MYO7A: variants seen among roughly 807,000 people sequenced by gnomAD.
MYO7A encodes the protein unconventional myosin-VIIa.
Under a neutral mutation model 263.8 loss-of-function variants are expected in MYO7A, and 210 were observed. The ratio of observed to expected loss-of-function variants is 0.80; its 90% CI spans 0.71 to 0.89. The LOEUF is 0.89. Ranked by LOEUF, MYO7A falls within the 40% of genes least tolerant of loss-of-function variation. The pLI is 0.00. For missense variants in MYO7A, 2,820 were observed against 2,968.3 expected (o/e 0.95, Z 1.16); for synonymous variants, 1,239 against 1,197.3 (o/e 1.03, Z -0.72).
Position 77,157,372 on chromosome 11 carries a change from GACTACAACT to G in MYO7A, c.833_841del (p.Tyr278_Tyr280del), listed in dbSNP as rs1250357519. 1 of 1,608,734 alleles carries G rather than the reference GACTACAACT, an allele frequency of 6.2e-7. No individual in the cohort carries two copies. Among genetic ancestry groups the G allele is most frequent in the Non-Finnish European group, 8.5e-7 (1 of 1,177,768 alleles). ...GAAGCTGGGCTTGGGCCAGGCCTCT[GACTACAACT>G]ACTTGGCCATGGTGAGGCCCAGGTG... On this transcript the variant is annotated inframe_deletion, in exon 8 of 49. Transcript: ENST00000409709.
chr11:77,188,704 A>G (rs909885365), intron 27 of MYO7A, among the ~76,000 whole-genome samples: 17 of 152,236 alleles, frequency 1.1e-4, no homozygotes, highest in African/African-American at 4.1e-4. Context: ...GCCTTGGCTC[A>G]TTCATCTTCA....
rs576037461 is a variant in MYO7A, at chr11:77,153,473, G to A, written c.286-2434G>A. ...GGCTGTGGGCAGAGTGGAGAAGGCC[G>A]TGGGTGCCATGGGTGGGAGAAAGCC... On this transcript the variant is annotated intron_variant, in intron 4 of 48. Coordinates refer to ENST00000409709, the MANE Select transcript of MYO7A (RefSeq NM_000260.4). 1.6e-4 allele frequency among the ~76,000 whole-genome samples: 24 copies of A among 152,264 alleles called. No homozygotes were observed. The South Asian group carries it at 3.7e-3, about 24-fold the overall frequency.
intron 2 of MYO7A, among the ~76,000 whole-genome samples, chr11:77,133,714 G>A (rs1449142981): frequency 1.3e-5 from 2 of 152,110 alleles, no homozygotes; most frequent in Admixed American, 1.3e-4. Context: ...TGGTTGGAGA[G>A]TTTAATCTAT....
intron 15 of MYO7A, among the ~76,000 whole-genome samples, chr11:77,171,169 G>A (rs1555075656): frequency 6.6e-6 from 1 of 152,256 alleles, no homozygotes; most frequent in Non-Finnish European, 1.5e-5. Flanking sequence ...GGGTGTGCGT[G>A]CGCGTGTGTG....
At chr11:77,139,175 C>T (rs1951054296) in intron 2 of MYO7A, among the ~76,000 whole-genome samples, 1 of 152,234 alleles carries the variant, frequency 6.6e-6, no homozygotes, top group African/African-American at 2.4e-5. Flanking sequence ...GAGTGCCTCA[C>T]CCAGAGAGAC....
intron 48 of MYO7A, 127 bp from the exon 49 acceptor site, chr11:77,214,480 C>T: frequency 1.4e-6 from 1 of 720,712 alleles, no homozygotes; most frequent in South Asian, 1.6e-5. Flanking sequence ...GAGATAAGCC[C>T]TGAGTAGGAG....
At position 77,198,546 on chromosome 11, in the gene MYO7A, T is replaced by A; in HGVS notation, c.4493T>A (p.Val1498Glu). The change falls in exon 34 of 49, where the codon GTG (valine) becomes GAG (glutamate). Residue 1498 changes from valine to glutamate, a missense_variant. Transcript: ENST00000409709. ...DVIVAVNWTG[V>E]YFVDEQEQVL... ...ATCGTGGCCGTCAACTGGACGGGTG[T>A]GTACTTTGTGGATGAGCAGGAGCAG... 1 of 1,613,876 alleles carries A rather than the reference T, an allele frequency of 6.2e-7. No homozygotes were observed. The highest frequency in any genetic ancestry group is 1.1e-5 in the South Asian group (1 of 91,074).
chr11:77,208,688 G>C lies in MYO7A; in HGVS notation c.5945-9G>C, dbSNP rs1233077552. 2 of 1,570,278 alleles carry C rather than the reference G, an allele frequency of 1.3e-6. No homozygotes were observed. Among genetic ancestry groups the C allele is most frequent in the Non-Finnish European group, 1.7e-6 (2 of 1,155,284 alleles). On this transcript the variant is annotated splice_polypyrimidine_tract_variant and intron_variant, in intron 43 of 48. Coordinates refer to ENST00000409709, the MANE Select transcript of MYO7A (RefSeq NM_000260.4). Reference sequence around the variant, plus strand: ...GACCCTCTGGGTGACCGACTGCCCTGTGCTGCAGGAATTGTGCCCTCACTC... The same window carrying C: ...GACCCTCTGGGTGACCGACTGCCCTCTGCTGCAGGAATTGTGCCCTCACTC...
At chr11:77,164,136 A>G (rs1277006320) in intron 14 of MYO7A, among the ~76,000 whole-genome samples, 2 of 152,158 alleles carry the variant, frequency 1.3e-5, no homozygotes, top group Admixed American at 1.3e-4. Flanking sequence ...GGGACAGGCA[A>G]TTGGGTTCAC....
chr11:77,212,325 G>A (rs945749849), intron 46 of MYO7A: 7 of 384,886 alleles, frequency 1.8e-5, no homozygotes, highest in Non-Finnish European at 3.6e-5. Context: ...CTCCTGGCAG[G>A]GGTCCCACAT....
At chr11:77,133,968 A>T (rs6592707) in intron 2 of MYO7A, among the ~76,000 whole-genome samples, 1 of 152,066 alleles carries the variant, frequency 6.6e-6, no homozygotes, top group Non-Finnish European at 1.5e-5. Flanking sequence ...TCACTCTTGT[A>T]GCCCATGCTG....
rs114512548 is a variant in MYO7A at position 77,168,469 on chromosome 11, T to A, written c.1797+2307T>A. 7.2e-3 allele frequency among the ~76,000 whole-genome samples: 1,103 copies of A among 152,244 alleles called. 14 individuals carry two copies. The highest frequency in any genetic ancestry group is 0.025 in the African/African-American group (1,045 of 41,522). Reference sequence around the variant, plus strand: ...TCACTCCCCACTGCAACCTGGCGAGTAATTACTATTACTCCCACTTTACAG... The same window carrying A: ...TCACTCCCCACTGCAACCTGGCGAGAAATTACTATTACTCCCACTTTACAG... On this transcript the variant is annotated intron_variant, in intron 15 of 48. Coordinates refer to ENST00000409709, the MANE Select transcript of MYO7A (RefSeq NM_000260.4).
intron 2 of MYO7A, among the ~76,000 whole-genome samples, chr11:77,140,503 G>A (rs919701039): frequency 6.6e-6 from 1 of 152,234 alleles, no homozygotes; most frequent in Non-Finnish European, 1.5e-5. Context: ...CTGGCCACAT[G>A]CTGTTGCCCA....
intron 40 of MYO7A, 44 bp from the exon 41 acceptor site, chr11:77,206,053 C>A (rs771009716): frequency 6.8e-7 from 1 of 1,477,638 alleles, no homozygotes; most frequent in Non-Finnish European, 9.3e-7. Context: ...CTGGTCTCCA[C>A]AGTCCCACGC....
chr11:77,194,608 T>C, intron 32 of MYO7A, 84 bp downstream of exon 32: 3 of 1,419,594 alleles, frequency 2.1e-6, no homozygotes, highest in Non-Finnish European at 2.8e-6. Context: ...AACCTCTCTG[T>C]TGGGGCTGCG....
At chr11:77,159,630 G>A (rs1238258339) in intron 10 of MYO7A, 107 bp downstream of exon 10, 2 of 1,135,806 alleles carry the variant, frequency 1.8e-6, no homozygotes, top group Non-Finnish European at 2.6e-6. Context: ...GGACCCTCTG[G>A]TTTGGAGAGT....
In MYO7A at chr11:77,157,423, G is replaced by A. The variant is rs147907436; in HGVS notation, c.849+31G>A. 17 of 1,479,244 alleles carry A rather than the reference G, an allele frequency of 1.1e-5. No individual in the cohort carries two copies. The African/African-American group carries it at 1.5e-4, about 13-fold the overall frequency. 91.6% of individuals were successfully genotyped at this position (1,479,244 alleles called of 1,614,324 possible). A position where few individuals can be genotyped will look rare whatever the true frequency, so the allele number is the denominator to read the frequency against. ...GCCCAGGTGGGCCCCTGGGTAGGGG[G>A]GCACCCACCCTAGGATTGTAGGGAG... On this transcript the variant is annotated intron_variant, in intron 8 of 48. Coordinates refer to ENST00000409709, the MANE Select transcript of MYO7A (RefSeq NM_000260.4).
At position 77,177,614 on chromosome 11, in the gene MYO7A, T is replaced by C. The variant is rs2135448854; in HGVS notation, c.2253T>C (p.Leu751=). The C allele has an allele frequency of 6.2e-7, 1 of 1,611,468 alleles. No individual in the cohort carries two copies. The highest frequency in any genetic ancestry group is 8.5e-7 in the Non-Finnish European group (1 of 1,179,106). The change falls in exon 19 of 49, where the codon CTT becomes CTC. Residue 751 remains leucine, a synonymous_variant. Transcript: ENST00000409709. ...DKAITDRVIL[L]QKVIRGFKDR... is the part of the protein sequence containing the mutation. ...CCATCACCGACAGAGTCATCCTCCT[T>C]CAGAAAGTCATCCGGGGATTCAAAG...
intron 20 of MYO7A, among the ~76,000 whole-genome samples, 155 bp from the exon 21 acceptor site, chr11:77,179,580 T>C (rs935656112): frequency 6.6e-5 from 10 of 152,152 alleles, no homozygotes; most frequent in Non-Finnish European, 1.2e-4. Context: ...CAGAACTTTC[T>C]AACGATGGGG....
Sources: allele counts gnomAD v4.1 joint callset (sites outside exome capture counted in the v4.1 genomes callset), GRCh38; gene constraint gnomAD v4.1.1; transcripts MANE v1.5; gene names NCBI Gene and HGNC (gene_info 2026-07-23, HGNC 2026-07-21).